NEK5: variants seen among roughly 807,000 people sequenced by gnomAD.
NEK5 encodes the protein serine/threonine-protein kinase Nek5.
NEK5 carries 88 observed loss-of-function variants against 109.2 expected under a neutral mutation model. That is an observed-to-expected ratio of 0.81 (90% CI 0.68 to 0.96). The LOEUF (loss-of-function observed/expected upper bound fraction) is 0.96, where lower values mean the gene tolerates loss of function less well. NEK5 is among the 40% of genes least tolerant of loss of function. NEK5 has a pLI of 0.00. For missense variants in NEK5, 834 were observed against 920.7 expected (o/e 0.91, Z 1.22); for synonymous variants, 283 against 299.9 (o/e 0.94, Z 0.58).
intron 15 of NEK5, 65 bp downstream of exon 15, chr13:52,087,273 T>C: frequency 1.2e-6 from 1 of 830,942 alleles, no homozygotes; most frequent in Non-Finnish European, 2.1e-6. Flanking sequence ...AACTCCCTAT[T>C]ACAGTACAAA....
intron 21 of NEK5, 126 bp downstream of exon 21, chr13:52,065,358 G>A (rs766387659): frequency 7.7e-7 from 1 of 1,302,644 alleles, no homozygotes; most frequent in Non-Finnish European, 1.1e-6. Context: ...CAACATATTT[G>A]AAAGTGTCTG....
At chr13:52,062,923 GA>G (rs1355526638) in intron 21 of NEK5, among the ~76,000 whole-genome samples, 7 of 150,188 alleles carry the variant, frequency 4.7e-5, no homozygotes, top group Non-Finnish European at 1.0e-4. Flanking sequence ...TTTACTGGTG[GA>G]AAAAAAAATG....
At chr13:52,075,948 A>G in intron 18 of NEK5, 115 bp downstream of exon 18, 1 of 905,980 alleles carries the variant, frequency 1.1e-6, no homozygotes, top group South Asian at 1.7e-5. Context: ...TCATATCACA[A>G]AATAGAGCAA....
chr13:52,072,869 G>T (rs1454119247), intron 19 of NEK5, among the ~76,000 whole-genome samples: 1 of 152,118 alleles, frequency 6.6e-6, no homozygotes, highest in Non-Finnish European at 1.5e-5. Flanking sequence ...AGGTAAAATG[G>T]AAAAATAAAC....
intron 4 of NEK5, among the ~76,000 whole-genome samples, chr13:52,118,906 T>C (rs941265086): frequency 6.6e-6 from 1 of 152,190 alleles, no homozygotes; most frequent in African/African-American, 2.4e-5. Context: ...CTCTTGCTTA[T>C]GAGAACAGCT....
intron 23 of NEK5, among the ~76,000 whole-genome samples, chr13:52,041,657 G>A (rs1954414648): frequency 6.7e-6 from 1 of 148,944 alleles, no homozygotes; most frequent in Non-Finnish European, 1.5e-5. Flanking sequence ...GAACCCAGGA[G>A]GCGGAGGTTG....
intron 12 of NEK5, among the ~76,000 whole-genome samples, chr13:52,095,714 CCT>C (rs1955396395): frequency 6.6e-6 from 1 of 152,156 alleles, no homozygotes; most frequent in Non-Finnish European, 1.5e-5. Context: ...ACAGTGAGAC[CCT>C]GACTCTACAA....
At chr13:52,123,375 T>C (rs1266714943) in intron 3 of NEK5, among the ~76,000 whole-genome samples, 1 of 152,214 alleles carries the variant, frequency 6.6e-6, no homozygotes, top group African/African-American at 2.4e-5. Context: ...TAGAAAAATA[T>C]AGTCAATTTT....
At chr13:52,041,580 T>C (rs937591294) in intron 23 of NEK5, among the ~76,000 whole-genome samples, 2 of 151,432 alleles carry the variant, frequency 1.3e-5, no homozygotes, top group African/African-American at 4.9e-5. Flanking sequence ...ATACAAAAAT[T>C]AGCTGGGCGT....
intron 23 of NEK5, among the ~76,000 whole-genome samples, chr13:52,040,107 G>T (rs1593912995): frequency 1.6e-5 from 2 of 126,842 alleles, no homozygotes; most frequent in Admixed American, 8.7e-5. Flanking sequence ...TTTTTTGAGA[G>T]AAATCTCACT....
chr13:52,112,354 GC>G lies in NEK5; in HGVS notation c.225del (p.Arg75SerfsTer5). The G allele has an allele frequency of 6.3e-7, 1 of 1,597,984 alleles. No individual in the cohort carries two copies. Among genetic ancestry groups the G allele is most frequent in the Non-Finnish European group, 8.6e-7 (1 of 1,165,746 alleles). On this transcript the variant is annotated frameshift_variant, in exon 5 of 24. Transcript: ENST00000684899. LOFTEE classifies it high-confidence loss of function. Reference sequence around the variant, plus strand: ...TCACAATATTCCATTACAATAAACAGCCTGCCATTCTCTGTAAGAAAAGGAA... The same window carrying G: ...TCACAATATTCCATTACAATAAACAGCTGCCATTCTCTGTAAGAAAAGGAA... ...AFFNSFQENG[R>X]LFIVMEYCDG...
rs1399690587 is a variant in NEK5 at position 52,034,722 on chromosome 13, G to T, written c.*2226C>A. The stretch of plus-strand genomic sequence containing the variant: ...TTTTTTTTTTTTTTTTTTTCTGAGG[G>T]GTGGATAGAGATGGGTGTTTCCCTA... On this transcript the variant is annotated 3_prime_UTR_variant, in exon 24 of 24. Transcript: ENST00000684899. 6.9e-6 allele frequency: 1 copy of T among 145,808 alleles called. No homozygotes were observed. The highest frequency in any genetic ancestry group is 1.5e-5 in the Non-Finnish European group (1 of 66,454). The allele number at this position is 145,808 out of a possible 1,614,324, so 9.0% of individuals were successfully genotyped here.
Position 52,093,054 on chromosome 13 carries a change from C to T in NEK5, c.1208G>A (p.Trp403Ter). ...ETRHGPSPSQ[W>*]PAEYLQRKFE... The stretch of plus-strand genomic sequence containing the variant: ...AGCTTAAGCTAGACCACAATATTAC[C>T]ATTGACTTGGGGATGGACCATGCCT... Residue 403 changes from tryptophan (W) to a stop codon, truncating the protein, a stop_gained and splice_region_variant, in exon 13 of 24, where the codon TGG (tryptophan) becomes TAG (stop). Coordinates refer to ENST00000684899, the MANE Select transcript of NEK5 (RefSeq NM_001365552.1). LOFTEE classifies it high-confidence loss of function. 2 of 1,602,636 alleles carry T rather than the reference C, an allele frequency of 1.2e-6. No homozygotes were observed. The highest frequency in any genetic ancestry group is 1.1e-5 in the South Asian group (1 of 90,118).
chr13:52,050,720 C>CTTTTT (rs772811272), intron 22 of NEK5, among the ~76,000 whole-genome samples: 1 of 99,950 alleles, frequency 1.0e-5, no homozygotes. Flanking sequence ...TTGTTTTTTT[C>CTTTTT]TTTTTTTTTT....
intron 22 of NEK5, among the ~76,000 whole-genome samples, chr13:52,055,685 A>G (rs1175681717): frequency 1.3e-5 from 2 of 152,008 alleles, no homozygotes; most frequent in African/African-American, 4.8e-5. Flanking sequence ...AGAATTTCAT[A>G]TCCAGCCAAA....
At chr13:52,038,217 G>A (rs922126137) in intron 23 of NEK5, among the ~76,000 whole-genome samples, 1 of 151,960 alleles carries the variant, frequency 6.6e-6, no homozygotes, top group African/African-American at 2.4e-5. Flanking sequence ...AGCTACTCAG[G>A]AGGCTGAGAC....
chr13:52,102,284 ACCCTC>A lies in NEK5; in HGVS notation c.613_617del (p.Glu205Ter). 6.2e-7 allele frequency: 1 copy of A among 1,613,568 alleles called. No individual in the cohort carries two copies. Among genetic ancestry groups the A allele is most frequent in the East Asian group, 2.2e-5 (1 of 44,884 alleles). On this transcript the variant is annotated frameshift_variant, in exon 10 of 24. Coordinates refer to ENST00000684899, the MANE Select transcript of NEK5 (RefSeq NM_001365552.1). LOFTEE classifies it high-confidence loss of function. ...TCAGAACCAGCTGCTGTAAGTTGTT[ACCCTC>A]AAACTGAAAGGACAAGGAGAAATGA...
At chr13:52,118,215 C>T (rs1270080980) in intron 4 of NEK5, among the ~76,000 whole-genome samples, 2 of 152,194 alleles carry the variant, frequency 1.3e-5, no homozygotes, top group Non-Finnish European at 2.9e-5. Context: ...ACTGATGATG[C>T]TTGAAGATAT....
chr13:52,038,825 GAAAA>G (rs1183060212), intron 23 of NEK5, among the ~76,000 whole-genome samples: 2 of 94,566 alleles, frequency 2.1e-5, no homozygotes, highest in Non-Finnish European at 4.0e-5. Context: ...ACACTCATCT[GAAAA>G]AAAAAAAAAA....
Sources: allele counts gnomAD v4.1 joint callset (sites outside exome capture counted in the v4.1 genomes callset), GRCh38; gene constraint gnomAD v4.1.1; transcripts MANE v1.5; gene names NCBI Gene and HGNC (gene_info 2026-07-23, HGNC 2026-07-21).